DIAPH2: variants seen among roughly 807,000 people sequenced by gnomAD.
The protein encoded by DIAPH2 is protein diaphanous homolog 2.
DIAPH2 carries 35 observed loss-of-function variants against 92.7 expected under a neutral mutation model. The ratio of observed to expected loss-of-function variants is 0.38; its 90% CI spans 0.29 to 0.50. The LOEUF (loss-of-function observed/expected upper bound fraction) is 0.50, where lower values mean the gene tolerates loss of function less well. DIAPH2 is among the 20% of genes least tolerant of loss of function. The pLI is 0.94. For missense variants in DIAPH2, 701 were observed against 819.5 expected (o/e 0.86, Z 1.77); for synonymous variants, 301 against 280.4 (o/e 1.07, Z -0.73).
intron 26 of DIAPH2, among the ~76,000 whole-genome samples, chrX:97,442,517 T>G (rs771736079): frequency 1.2e-3 from 141 of 112,834 alleles, no homozygotes; most frequent in Admixed American, 3.0e-3. Flanking sequence ...AAACATTTAT[T>G]CTAATTGGTG....
In DIAPH2 at chrX:96,958,469, G is replaced by T. The variant is rs756337379; in HGVS notation, c.1935+321G>T. Among the ~76,000 whole-genome samples, 7 of 111,657 alleles carry T rather than the reference G, an allele frequency of 6.3e-5. No homozygotes were observed. In the South Asian group the frequency reaches 2.7e-3, roughly 42 times the overall value. Reference sequence around the variant, plus strand: ...TTTTATTGATATGTAATATTTGTACGTATTTATGGGGTACATATGATTTTT... The same window carrying T: ...TTTTATTGATATGTAATATTTGTACTTATTTATGGGGTACATATGATTTTT... On this transcript the variant is annotated intron_variant, in intron 16 of 26. Coordinates refer to ENST00000324765, the MANE Select transcript of DIAPH2 (RefSeq NM_006729.5).
chrX:96,772,144 A>G (rs1486618174), intron 4 of DIAPH2, among the ~76,000 whole-genome samples: 2 of 111,271 alleles, frequency 1.8e-5, no homozygotes, highest in African/African-American at 3.3e-5. Flanking sequence ...CTGTCTGTTT[A>G]TCTGTTCGGA....
At chrX:97,238,740 G>T (rs146256581) in intron 22 of DIAPH2, among the ~76,000 whole-genome samples, 2,594 of 111,214 alleles carry the variant, frequency 0.023, 29 homozygotes, top group Middle Eastern at 0.041. Context: ...TTCATTTCCA[G>T]GTACAGCGTT....
At chrX:96,781,517 C>T (rs1012335603) in intron 4 of DIAPH2, among the ~76,000 whole-genome samples, 23 of 111,255 alleles carry the variant, frequency 2.1e-4, no homozygotes, top group Non-Finnish European at 3.2e-4. Flanking sequence ...GATTTCTGCC[C>T]TTCTAATTAG....
intron 26 of DIAPH2, among the ~76,000 whole-genome samples, chrX:97,462,373 C>T (rs775075589): frequency 7.6e-4 from 85 of 111,891 alleles, no homozygotes; most frequent in Non-Finnish European, 1.4e-3. Context: ...AATTCTCATT[C>T]AGTTCAATGG....
chrX:96,933,770 ATTTTTTTT>A (rs757624722), intron 10 of DIAPH2, among the ~76,000 whole-genome samples: 1 of 77,796 alleles, frequency 1.3e-5, no homozygotes, highest in Non-Finnish European at 2.5e-5. Flanking sequence ...TGCCCGGCTA[ATTTTTTTT>A]TTTTTTTTTT....
chrX:97,599,377 A>G lies in DIAPH2; in HGVS notation c.*60A>G, dbSNP rs777755069. 3 of 857,317 alleles carry G rather than the reference A, an allele frequency of 3.5e-6. No homozygotes were observed. The South Asian group carries it at 6.7e-5, about 19-fold the overall frequency. The allele number at this position is 857,317 out of a possible 1,213,427, so 70.7% of individuals were successfully genotyped here. ...AAAAACAAAATGATGCATTTTGAGA[A>G]GAACAAAGTGTGCACTCAGCGGCTG... On this transcript the variant is annotated 3_prime_UTR_variant, in exon 27 of 27. Transcript: ENST00000324765.
intron 4 of DIAPH2, among the ~76,000 whole-genome samples, chrX:96,835,162 G>A (rs148661469): frequency 3.2e-3 from 354 of 111,763 alleles, no homozygotes; most frequent in African/African-American, 0.011. Context: ...CAACAAGAAC[G>A]GAATTTTAAA....
At chrX:96,893,580 G>A (rs2065321753) in intron 5 of DIAPH2, among the ~76,000 whole-genome samples, 1 of 111,820 alleles carries the variant, frequency 8.9e-6, no homozygotes, top group African/African-American at 3.3e-5. Context: ...TTCTATGAAT[G>A]TCCATTTCCT....
At chrX:96,730,024 T>C (rs1035477573) in intron 1 of DIAPH2, among the ~76,000 whole-genome samples, 1 of 111,914 alleles carries the variant, frequency 8.9e-6, no homozygotes, top group Non-Finnish European at 1.9e-5. Context: ...CCCCAGTGCC[T>C]CACACACCAC....
intron 17 of DIAPH2, among the ~76,000 whole-genome samples, chrX:97,020,322 A>C (rs2066289375): frequency 8.9e-6 from 1 of 111,963 alleles, no homozygotes; most frequent in African/African-American, 3.2e-5. Context: ...GTGTGTGTGC[A>C]TGTAGGTATA....
At chrX:97,018,914 A>G (rs990143729) in intron 17 of DIAPH2, among the ~76,000 whole-genome samples, 4 of 111,485 alleles carry the variant, frequency 3.6e-5, no homozygotes, top group African/African-American at 9.8e-5. Context: ...TCATGCCTTC[A>G]TTCCTCCCTC....
chrX:97,139,465 C>A (rs1185248844), intron 21 of DIAPH2, among the ~76,000 whole-genome samples: 22 of 104,988 alleles, frequency 2.1e-4, no homozygotes, highest in South Asian at 1.7e-3. Context: ...TAAAAAAAAA[C>A]AACAAATATT....
chrX:96,703,315 T>C (rs1476713270), intron 1 of DIAPH2, among the ~76,000 whole-genome samples: 5 of 112,221 alleles, frequency 4.5e-5, no homozygotes, highest in Non-Finnish European at 9.4e-5. Flanking sequence ...TAAAATCTTA[T>C]GTCCAAACTT....
chrX:96,735,868 G>A, intron 2 of DIAPH2, 78 bp downstream of exon 2: 1 of 541,358 alleles, frequency 1.8e-6, no homozygotes, highest in Non-Finnish European at 3.0e-6. Flanking sequence ...TAAAAGCATT[G>A]ATATATGTAA....
Position 96,992,148 on chromosome X carries a change from G to C in DIAPH2, c.2050+26941G>C, listed in dbSNP as rs768984906. The stretch of plus-strand genomic sequence containing the variant: ...ATAGATGTATACTTCACAAGTATAG[G>C]GGAATATCCTTGATATGCATACTGC... On this transcript the variant is annotated intron_variant, in intron 17 of 26. Transcript: ENST00000324765. 2.7e-5 allele frequency among the ~76,000 whole-genome samples: 3 copies of C among 110,596 alleles called. No homozygotes were observed. In the South Asian group the frequency reaches 1.2e-3, roughly 44 times the overall value.
chrX:96,963,811 G>A (rs761707917), intron 16 of DIAPH2, among the ~76,000 whole-genome samples: 1 of 111,168 alleles, frequency 9.0e-6, no homozygotes, highest in South Asian at 3.8e-4. Context: ...CCTCCAGTCA[G>A]CTGAAGCCTA....
intron 17 of DIAPH2, among the ~76,000 whole-genome samples, chrX:97,008,939 G>C (rs2066204396): frequency 9.0e-6 from 1 of 111,167 alleles, no homozygotes; most frequent in Non-Finnish European, 1.9e-5. Flanking sequence ...TATTGCCTGT[G>C]TTTGCTCAAG....
At chrX:96,704,425 C>T (rs780043941) in intron 1 of DIAPH2, among the ~76,000 whole-genome samples, 75 of 111,790 alleles carry the variant, frequency 6.7e-4, no homozygotes, top group Admixed American at 1.1e-3. Context: ...CTTTTTCTCC[C>T]CCTTGCTACT....
Sources: allele counts gnomAD v4.1 joint callset (sites outside exome capture counted in the v4.1 genomes callset), GRCh38; gene constraint gnomAD v4.1.1; transcripts MANE v1.5; gene names NCBI Gene and HGNC (gene_info 2026-07-23, HGNC 2026-07-21).